Variants in RANBP17 observed in about 807,000 individuals in gnomAD.
The protein encoded by RANBP17 is RAN binding protein 17.
In RANBP17, 158 loss-of-function variants were observed where a neutral mutation model predicts 141.2. The observed-to-expected ratio is 1.12, with a 90% confidence interval of 0.98 to 1.28. RANBP17 has a LOEUF of 1.28. Among genes scored for constraint, RANBP17 ranks in the 50% most tolerant of loss-of-function variants. RANBP17 has a pLI of 0.00. For missense variants in RANBP17, 1,438 were observed against 1,290.7 expected, an observed-to-expected ratio of 1.11 and a Z score of -1.75; for synonymous variants, 430 against 450.0, an observed-to-expected ratio of 0.96 and a Z score of 0.56.
At chr5:170,925,939 T>C (rs1202276285) in intron 12 of RANBP17, among the ~76,000 whole-genome samples, 1 of 152,224 alleles carries the variant, frequency 6.6e-6, no homozygotes, top group African/African-American at 2.4e-5. Flanking sequence ...TATTTGTGCA[T>C]TCTCTTGTTA....
At chr5:170,904,049 C>A in intron 5 of RANBP17, 1 of 466,096 alleles carries the variant, frequency 2.1e-6, no homozygotes. Flanking sequence ...TTCAGGCAGA[C>A]CCTAAACATA....
At chr5:171,272,085 C>T (rs941516623) in intron 25 of RANBP17, among the ~76,000 whole-genome samples, 1 of 152,080 alleles carries the variant, frequency 6.6e-6, no homozygotes, top group Non-Finnish European at 1.5e-5. Context: ...AGCGAACTAA[C>T]GCAGAAGCAG....
intron 14 of RANBP17, among the ~76,000 whole-genome samples, chr5:171,084,361 T>C (rs1427063480): frequency 2.1e-5 from 3 of 139,736 alleles, no homozygotes; most frequent in Non-Finnish European, 3.1e-5. Flanking sequence ...CAGTCTATCA[T>C]TGTTGGACAT....
intron 5 of RANBP17, among the ~76,000 whole-genome samples, chr5:170,902,381 A>G (rs886798665): frequency 2.0e-5 from 3 of 152,112 alleles, no homozygotes; most frequent in Admixed American, 1.3e-4. Flanking sequence ...CAGGTCATTT[A>G]TGTTCTTCTC....
intron 14 of RANBP17, among the ~76,000 whole-genome samples, chr5:171,137,626 C>CTG (rs915167217): frequency 5.8e-5 from 6 of 102,610 alleles, no homozygotes; most frequent in East Asian, 5.4e-4. Context: ...GTGTGTGTGT[C>CTG]TGTGTGTGTG....
intron 14 of RANBP17, among the ~76,000 whole-genome samples, chr5:171,149,966 G>A (rs1758354507): frequency 6.6e-6 from 1 of 152,168 alleles, no homozygotes; most frequent in Non-Finnish European, 1.5e-5. Flanking sequence ...GAACAGATGT[G>A]GGGGTAGGGG....
intron 14 of RANBP17, chr5:171,028,782 G>A: frequency 1.8e-6 from 1 of 558,482 alleles, no homozygotes; most frequent in Non-Finnish European, 3.0e-6. Flanking sequence ...TGAAGAATGT[G>A]CAAACCTGCC....
At chr5:170,960,158 C>T (rs147692447) in intron 13 of RANBP17, among the ~76,000 whole-genome samples, 6 of 152,258 alleles carry the variant, frequency 3.9e-5, no homozygotes, top group African/African-American at 7.2e-5. Flanking sequence ...ATTTTATCTC[C>T]TCTGTGTAGC....
At chr5:170,962,924 G>A (rs1051980547) in intron 13 of RANBP17, among the ~76,000 whole-genome samples, 1 of 152,160 alleles carries the variant, frequency 6.6e-6, no homozygotes, top group African/African-American at 2.4e-5. Context: ...ATTTTCGTAT[G>A]CTGTGACCTA....
chr5:171,153,254 A>G (rs1167214821), intron 14 of RANBP17, among the ~76,000 whole-genome samples: 1 of 152,248 alleles, frequency 6.6e-6, no homozygotes, highest in African/African-American at 2.4e-5. Context: ...GCAGCATCTT[A>G]TTAAGAAACA....
intron 14 of RANBP17, among the ~76,000 whole-genome samples, chr5:171,006,825 G>A (rs1015463769): frequency 6.6e-5 from 10 of 151,894 alleles, no homozygotes; most frequent in East Asian, 1.9e-4. Flanking sequence ...GCTGCTAAGC[G>A]GGCCATGAAC....
intron 21 of RANBP17, among the ~76,000 whole-genome samples, chr5:171,219,467 T>C (rs1763423530): frequency 6.6e-6 from 1 of 152,158 alleles, no homozygotes; most frequent in African/African-American, 2.4e-5. Context: ...TTCTTTTGGA[T>C]AATATCCTGA....
chr5:170,983,024 A>C (rs1039013524), intron 14 of RANBP17: 2 of 461,852 alleles, frequency 4.3e-6, no homozygotes, highest in Non-Finnish European at 8.3e-6. Flanking sequence ...CTTTTCACTC[A>C]GACAAAGCCT....
At chr5:171,227,225 C>T (rs1306276360) in intron 22 of RANBP17, among the ~76,000 whole-genome samples, 1 of 152,220 alleles carries the variant, frequency 6.6e-6, no homozygotes, top group Non-Finnish European at 1.5e-5. Flanking sequence ...TTGCACCAAA[C>T]AGCCAAGTGG....
intron 23 of RANBP17, 26 bp downstream of exon 23, chr5:171,241,168 G>A: frequency 6.4e-7 from 1 of 1,556,188 alleles, no homozygotes; most frequent in East Asian, 2.3e-5. Flanking sequence ...TCATGGGAGT[G>A]TTTGTATGAA....
At chr5:171,082,793 A>C (rs1785337771) in intron 14 of RANBP17, among the ~76,000 whole-genome samples, 1 of 151,752 alleles carries the variant, frequency 6.6e-6, no homozygotes, top group Non-Finnish European at 1.5e-5. Context: ...TAGGTATCTT[A>C]TTTGCTAGTA....
intron 14 of RANBP17, among the ~76,000 whole-genome samples, chr5:171,062,947 C>T (rs1323002015): frequency 2.0e-5 from 3 of 152,014 alleles, no homozygotes; most frequent in African/African-American, 4.8e-5. Flanking sequence ...TCCAGTTGAT[C>T]GCATCGGCTC....
Position 171,020,927 on chromosome 5 carries a change from T to C in RANBP17, c.1710+52550T>C, listed in dbSNP as rs1780810860. 3.9e-5 allele frequency among the ~76,000 whole-genome samples: 6 copies of C among 152,178 alleles called. 1 individual carries two copies. In the South Asian group the frequency reaches 1.2e-3, roughly 31 times the overall value. ...GGCTGGTACCAGTTTTTCCTTTCCA[T>C]ATTTAGTGCTTCCTTCAAGAGCTCT... On this transcript the variant is annotated intron_variant, in intron 14 of 27. Transcript: ENST00000523189.
chr5:170,976,172 A>G (rs1039042467), intron 14 of RANBP17, among the ~76,000 whole-genome samples: 3 of 152,192 alleles, frequency 2.0e-5, no homozygotes, highest in African/African-American at 7.2e-5. Flanking sequence ...GATTAATACA[A>G]AAACTCGACT....
Sources: gnomAD v4.1 joint callset for allele counts (sites outside exome capture counted in the v4.1 genomes callset) on GRCh38, gnomAD v4.1.1 for gene constraint, MANE v1.5 for transcripts, NCBI Gene and HGNC (gene_info 2026-07-23, HGNC 2026-07-21) for gene names.